WDFY4: variants seen among roughly 807,000 people sequenced by gnomAD.
The protein encoded by WDFY4 is WDFY family member 4, also known as WD repeat- and FYVE domain-containing protein 4.
WDFY4 carries 169 observed loss-of-function variants against 351.9 expected under a neutral mutation model. The observed-to-expected ratio is 0.48, with a 90% CI of 0.42 to 0.55. The LOEUF (loss-of-function observed/expected upper bound fraction) is 0.55. Among genes scored for constraint, WDFY4 ranks in the 20% least tolerant of loss-of-function variants. The probability of loss-of-function intolerance (pLI) is 0.00; values close to 1 mark genes in which losing one functional copy is unlikely to be tolerated. For missense variants in WDFY4, 3,803 were observed against 3,935.6 expected, an observed-to-expected ratio of 0.97 and a Z score of 0.90; for synonymous variants, 1,622 against 1,574.6, an observed-to-expected ratio of 1.03 and a Z score of -0.71.
intron 43 of WDFY4, among the ~76,000 whole-genome samples, chr10:48,887,202 G>A: frequency 6.6e-6 from 1 of 152,390 alleles, no homozygotes; most frequent in Non-Finnish European, 1.5e-5. Flanking sequence ...GGAGGCTGTG[G>A]TGGGGGCCTG....
At position 48,820,252 on chromosome 10, in the gene WDFY4, A is replaced by G. The variant is rs889455274; in HGVS notation, c.5524A>G (p.Thr1842Ala). The G allele has an allele frequency of 8.8e-5, 137 of 1,551,474 alleles. 1 individual carries two copies. The highest frequency in any genetic ancestry group is 1.1e-4 in the Non-Finnish European group (131 of 1,146,972). Residue 1842 changes from threonine to alanine, a missense_variant, in exon 33 of 62, where the codon ACC (threonine) becomes GCC (alanine). This residue lies in a region of WDFY4 where 3,054 missense variants were observed against 3,148.6 expected (regional missense o/e 0.97). Coordinates refer to ENST00000325239, the MANE Select transcript of WDFY4 (RefSeq NM_001394531.1). Reference sequence around the variant, plus strand: ...CTTTGAGGGGGTTGGGGCTGAGTCCACCCGGAACACCAGCAGTCCTGAGGC... The same window carrying G: ...CTTTGAGGGGGTTGGGGCTGAGTCCGCCCGGAACACCAGCAGTCCTGAGGC... ...GAQKGVGAES[T>A]RNTSSPEAAA...
intron 47 of WDFY4, among the ~76,000 whole-genome samples, chr10:48,914,821 C>T (rs1405651292): frequency 4.6e-5 from 7 of 152,190 alleles, no homozygotes; most frequent in Non-Finnish European, 1.0e-4. Flanking sequence ...TCAGGGTGTG[C>T]CATTGCTGGG....
At chr10:48,738,657 T>A (rs1039671386) in intron 11 of WDFY4, among the ~76,000 whole-genome samples, 1 of 152,206 alleles carries the variant, frequency 6.6e-6, no homozygotes, top group African/African-American at 2.4e-5. Flanking sequence ...AGATGTGAGA[T>A]CTACATTTGT....
In WDFY4 at chr10:48,709,779, C is replaced by A. The variant is rs769248076; in HGVS notation, c.47C>A (p.Pro16Gln). The A allele has an allele frequency of 3.9e-6, 6 of 1,551,840 alleles. No homozygotes were observed. The South Asian group carries it at 5.9e-5, about 15-fold the overall frequency. ...LSKAEDRNEDPGSKNEGQLAA... is the reference protein window; with the variant it reads ...LSKAEDRNEDQGSKNEGQLAA... ...AAGGCTGAAGACAGAAATGAAGACC[C>A]AGGTTCCAAAAATGAAGGGCAGCTT... is the stretch of plus-strand genomic sequence containing the variant. The change falls in exon 2 of 62, where the codon CCA (proline) becomes CAA (glutamine). Residue 16 changes from proline (P) to glutamine (Q), a missense_variant. By Grantham distance (76) the Pro-to-Gln change is moderately conservative. Around this residue, in one of 3 missense-constraint regions of WDFY4, gnomAD observed 488 missense variants for 456.8 expected, o/e 1.07. Transcript: ENST00000325239.
intron 24 of WDFY4, among the ~76,000 whole-genome samples, chr10:48,799,457 G>A (rs192033194): frequency 2.3e-3 from 355 of 152,270 alleles, no homozygotes; most frequent in African/African-American, 8.2e-3. Flanking sequence ...TGACAAGTAA[G>A]TTGTGGGGTC....
intron 57 of WDFY4, 89 bp from the exon 58 acceptor site, chr10:48,974,773 C>A (rs1209547313): frequency 2.2e-6 from 3 of 1,339,966 alleles, no homozygotes; most frequent in Non-Finnish European, 3.0e-6. Flanking sequence ...TTTCCTCATC[C>A]AGCACCCAGC....
At chr10:48,953,302 G>GTCTCTCTC (rs140127650) in intron 51 of WDFY4, among the ~76,000 whole-genome samples, 52 of 126,006 alleles carry the variant, frequency 4.1e-4, no homozygotes, top group East Asian at 1.7e-3. Context: ...CATGAGATAT[G>GTCTCTCTC]TCTCTCTCTC....
intron 39 of WDFY4, among the ~76,000 whole-genome samples, chr10:48,838,146 C>G (rs73312014): frequency 0.074 from 11,326 of 152,200 alleles, 1,414 homozygotes; most frequent in African/African-American, 0.26. Context: ...GAGGATGATC[C>G]GCTGGAATTG....
intron 47 of WDFY4, among the ~76,000 whole-genome samples, chr10:48,923,981 A>G (rs1839350116): frequency 1.3e-5 from 2 of 152,192 alleles, no homozygotes; most frequent in South Asian, 4.1e-4. Flanking sequence ...AAGCCCTCCC[A>G]GCTCTGATGA....
Position 48,897,460 on chromosome 10 carries a change from C to A in WDFY4, c.7323C>A (p.Ser2441Arg). The stretch of plus-strand genomic sequence containing the variant: ...ATGCCTGTTTCCTTTTCAGCATCAG[C>A]GATCCGTTCATTTTCAACCTGTGCA... ...YCTRHCLSNISDPFIFNLCSK... is the reference protein window; with the variant it reads ...YCTRHCLSNIRDPFIFNLCSK... The change falls in exon 45 of 62, where the codon AGC becomes AGA. Residue 2441 changes from serine to arginine, a missense_variant. Transcript: ENST00000325239. The A allele has an allele frequency of 6.4e-7, 1 of 1,551,186 alleles. No individual in the cohort carries two copies. Among genetic ancestry groups the A allele is most frequent in the South Asian group, 1.2e-5 (1 of 84,048 alleles).
At chr10:48,833,172 T>TGTGA (rs372781295) in intron 39 of WDFY4, among the ~76,000 whole-genome samples, 2,081 of 135,852 alleles carry the variant, frequency 0.015, 68 homozygotes, top group African/African-American at 0.052. Flanking sequence ...TGTGTGTGTG[T>TGTGA]GAGAGAGAGA....
At chr10:48,734,176 C>A in intron 10 of WDFY4, 141 bp downstream of exon 10, 1 of 708,440 alleles carries the variant, frequency 1.4e-6, no homozygotes, top group Non-Finnish European at 2.4e-6. Flanking sequence ...CCTCTCTTGG[C>A]CGATGTTCAG....
At chr10:48,949,161 G>A (rs895706130) in intron 51 of WDFY4, among the ~76,000 whole-genome samples, 1 of 152,122 alleles carries the variant, frequency 6.6e-6, no homozygotes, top group South Asian at 2.1e-4. Flanking sequence ...TGAGTTTTGG[G>A]GCTCAGATCT....
At chr10:48,752,854 T>G (rs1000882220) in intron 12 of WDFY4, among the ~76,000 whole-genome samples, 1 of 152,218 alleles carries the variant, frequency 6.6e-6, no homozygotes. Flanking sequence ...GTTCATGTAT[T>G]TATTTGAGTA....
At chr10:48,793,588 A>G (rs2066753206) in intron 23 of WDFY4, among the ~76,000 whole-genome samples, 1 of 152,126 alleles carries the variant, frequency 6.6e-6, no homozygotes, top group Non-Finnish European at 1.5e-5. Context: ...GTTTCTTTGT[A>G]ACCTGCATGT....
chr10:48,969,191 C>A lies in WDFY4; in HGVS notation c.8712C>A (p.Thr2904=), dbSNP rs11101574. Residue 2904 remains threonine (T), a synonymous_variant, in exon 56 of 62, where the codon ACC becomes ACA. Coordinates refer to ENST00000325239, the MANE Select transcript of WDFY4 (RefSeq NM_001394531.1). ...KVLLPPLWNR[T]FSWGFDDFSC... is the part of the protein sequence containing the mutation. ...TGCTGCCTCCTCTCTGGAACAGGAC[C>A]TTCAGCTGGGGCTTTGATGACTTCA... The A allele has an allele frequency of 2.6e-6, 4 of 1,551,546 alleles. No individual in the cohort carries two copies. Among genetic ancestry groups the A allele is most frequent in the Non-Finnish European group, 8.7e-7 (1 of 1,146,968 alleles).
At position 48,731,539 on chromosome 10, in the gene WDFY4, A is replaced by G. The variant is rs2064460602; in HGVS notation, c.1559A>G (p.Gln520Arg). The G allele has an allele frequency of 6.4e-7, 1 of 1,550,972 alleles. No individual in the cohort carries two copies. ...CTGCTACTGGCACAGCTTCGGAAGC[A>G]AGCCAAGATCATGAGGAAGTCAGGT... ...LGLLLAQLRKQAKIMRKSGNK... is the reference protein window; with the variant it reads ...LGLLLAQLRKRAKIMRKSGNK... Residue 520 changes from glutamine to arginine, a missense_variant, in exon 9 of 62, where the codon CAA becomes CGA. This residue lies in a region of WDFY4 where 261 missense variants were observed against 330.2 expected (regional missense o/e 0.79). Coordinates refer to ENST00000325239, the MANE Select transcript of WDFY4 (RefSeq NM_001394531.1).
intron 35 of WDFY4, chr10:48,823,447 C>T: frequency 8.4e-7 from 1 of 1,191,142 alleles, no homozygotes; most frequent in Non-Finnish European, 1.1e-6. Context: ...GAAATTGGCT[C>T]CCAGCACCCT....
intron 13 of WDFY4, among the ~76,000 whole-genome samples, chr10:48,768,510 T>G (rs2065748662): frequency 6.6e-6 from 1 of 152,206 alleles, no homozygotes; most frequent in Non-Finnish European, 1.5e-5. Flanking sequence ...TAGCTCTCTC[T>G]TCATTATCCT....
Sources: allele counts gnomAD v4.1 joint callset (sites outside exome capture counted in the v4.1 genomes callset), GRCh38; gene constraint gnomAD v4.1.1; regional missense constraint gnomAD v4.1.1; transcripts MANE v1.5; gene names NCBI Gene and HGNC (gene_info 2026-07-23, HGNC 2026-07-21).